The following PJVK variants were observed in gnomAD, a reference collection of about 807,000 sequenced individuals.
PJVK encodes autosomal recessive deafness type 59 protein.
PJVK carries 33 observed loss-of-function variants against 37.6 expected under a neutral mutation model. The ratio of observed to expected loss-of-function variants is 0.88; its 90% CI spans 0.67 to 1.17. PJVK has a LOEUF of 1.17. PJVK is among the 50% of genes most tolerant of loss of function. The pLI is 0.00. For synonymous variants in PJVK, 141 were observed against 143.5 expected (o/e 0.98, Z 0.13); for missense variants, 410 against 413.8 (o/e 0.99, Z 0.08).
chr2:178,452,281 A>C (rs1242062685), intron 1 of PJVK: 1 of 970,190 alleles, frequency 1.0e-6, no homozygotes, highest in Non-Finnish European at 1.2e-6. Flanking sequence ...CGACAGAGTC[A>C]GACTCCCTCT....
intron 1 of PJVK, chr2:178,452,692 AAGAG>A (rs937709519): frequency 1.3e-5 from 12 of 941,566 alleles, no homozygotes; most frequent in African/African-American, 1.2e-4. Context: ...CTCCATTTCA[AAGAG>A]AGAGAGTCTG....
At chr2:178,460,942 T>C (rs751989464) in intron 6 of PJVK, 40 bp from the exon 7 acceptor site, 1 of 1,594,180 alleles carries the variant, frequency 6.3e-7, no homozygotes, top group Non-Finnish European at 8.6e-7. Context: ...TTTTTCATTT[T>C]CACTTCTAAC....
Position 178,453,126 on chromosome 2 carries a change from A to G in PJVK, c.-22-262A>G, listed in dbSNP as rs375026983. The G allele has an allele frequency of 1.0e-4, 39 of 387,206 alleles. No individual in the cohort carries two copies. In the East Asian group the frequency reaches 2.3e-3, roughly 22 times the overall value. The allele number at this position is 387,206 out of a possible 1,614,324, so 24.0% of individuals were successfully genotyped here. A position where few individuals can be genotyped will look rare whatever the true frequency, so the allele number is the denominator to read the frequency against. On this transcript the variant is annotated intron_variant, in intron 1 of 6. Transcript: ENST00000644580. ...TATCATAGACATTGGTCATATTTTT[A>G]CGTTATTAGTTTTCTGTGTATATTT...
chr2:178,452,942 G>A (rs188034260), intron 1 of PJVK: 33 of 166,838 alleles, frequency 2.0e-4, no homozygotes, highest in Admixed American at 1.7e-3. Flanking sequence ...CCAAAATTCC[G>A]GTGGTGGACT....
At position 178,461,075 on chromosome 2, in the gene PJVK, T is replaced by C; in HGVS notation, c.860T>C (p.Ile287Thr). ...YYDKPLSMTD[I>T]SLKEGTHIRV... is the part of the protein sequence containing the mutation. ...GACAAACCTCTCAGCATGACTGATA[T>C]TTCACTCAAAGAAGGGACCCATATC... Residue 287 changes from isoleucine (I) to threonine (T), a missense_variant, in exon 7 of 7, where the codon ATT becomes ACT. By Grantham distance (89) the Ile-to-Thr change is moderately conservative. Coordinates refer to ENST00000644580, the MANE Select transcript of PJVK (RefSeq NM_001042702.5). The C allele has an allele frequency of 6.2e-7, 1 of 1,614,116 alleles. No homozygotes were observed. The highest frequency in any genetic ancestry group is 2.2e-5 in the East Asian group (1 of 44,866).
chr2:178,454,237 G>T, intron 2 of PJVK, 95 bp from the exon 3 acceptor site: 1 of 1,049,864 alleles, frequency 9.5e-7, no homozygotes. Context: ...TAACATTTGG[G>T]TATTTGAGTC....
In PJVK at chr2:178,454,357, T is replaced by C; in HGVS notation, c.237T>C (p.Asn79=). ...GTATTTCATCTTATCAATTACTGAA[T>C]TATGAAGATGAATCAGATGTTTCAC... The part of the protein sequence containing the change: ...SAGISSYQLL[N]YEDESDVSLY... The change falls in exon 3 of 7, where the codon AAT becomes AAC. Residue 79 remains asparagine (N), a synonymous_variant. Coordinates refer to ENST00000644580, the MANE Select transcript of PJVK (RefSeq NM_001042702.5). 6.2e-7 allele frequency: 1 copy of C among 1,613,460 alleles called. No individual in the cohort carries two copies. Among genetic ancestry groups the C allele is most frequent in the South Asian group, 1.1e-5 (1 of 90,880 alleles).
chr2:178,458,597 G>T lies in PJVK; in HGVS notation c.637G>T (p.Glu213Ter). 6.2e-7 allele frequency: 1 copy of T among 1,613,928 alleles called. No homozygotes were observed. The highest frequency in any genetic ancestry group is 1.1e-5 in the South Asian group (1 of 91,042). ...TACAACCATAGCTTTCAGTGTTTTTGAACTCTTCATATACCTGGATGGTGC... is the reference window on the plus strand; with the variant it reads ...TACAACCATAGCTTTCAGTGTTTTTTAACTCTTCATATACCTGGATGGTGC... ...AHTTIAFSVF[E>*]LFIYLDGAFD... Residue 213 changes from glutamate to a stop codon, truncating the protein, a stop_gained, in exon 5 of 7, where the codon GAA becomes TAA. Coordinates refer to ENST00000644580, the MANE Select transcript of PJVK (RefSeq NM_001042702.5). LOFTEE classifies it high-confidence loss of function.
chr2:178,453,446 G>GC lies in PJVK; in HGVS notation c.37_38insC (p.Val13AlafsTer15). ...TGCTACCAAGAGCTTTGTCAAGCAA[G>GC]TTGGAGATGGAGGGAGATTAGTTCC... On this transcript the variant is annotated frameshift_variant, in exon 2 of 7. Coordinates refer to ENST00000644580, the MANE Select transcript of PJVK (RefSeq NM_001042702.5). LOFTEE classifies it high-confidence loss of function. 6.2e-7 allele frequency: 1 copy of GC among 1,614,186 alleles called. No homozygotes were observed. Among genetic ancestry groups the GC allele is most frequent in the Non-Finnish European group, 8.5e-7 (1 of 1,180,010 alleles).
chr2:178,457,031 C>T (rs1275904929), intron 4 of PJVK, among the ~76,000 whole-genome samples: 1 of 152,026 alleles, frequency 6.6e-6, no homozygotes, highest in African/African-American at 2.4e-5. Context: ...TGCAGTGGCG[C>T]GATCTTGGCT....
At chr2:178,455,986 G>C (rs369347372) in intron 3 of PJVK, 24 bp from the exon 4 acceptor site, 170 of 1,612,052 alleles carry the variant, frequency 1.1e-4, no homozygotes, top group Non-Finnish European at 1.4e-4. Context: ...ATAGAGTCTT[G>C]TGAATGTATC....
chr2:178,453,553 A>G lies in PJVK; in HGVS notation c.144A>G (p.Arg48=), dbSNP rs1201778009. 1 of 1,614,120 alleles carries G rather than the reference A, an allele frequency of 6.2e-7. No homozygotes were observed. The highest frequency in any genetic ancestry group is 8.5e-7 in the Non-Finnish European group (1 of 1,179,992). Reference sequence around the variant, plus strand: ...AGAAGCGATGCTTTCTGTTTCCTAGATATAAATTTACTTCAACACCTTTTA... The same window carrying G: ...AGAAGCGATGCTTTCTGTTTCCTAGGTATAAATTTACTTCAACACCTTTTA... ...VKKKRCFLFP[R]YKFTSTPFTL... Residue 48 remains arginine, a synonymous_variant, in exon 2 of 7, where the codon AGA becomes AGG. Coordinates refer to ENST00000644580, the MANE Select transcript of PJVK (RefSeq NM_001042702.5).
At chr2:178,455,465 C>T (rs1385564660) in intron 3 of PJVK, 14 of 1,162,304 alleles carry the variant, frequency 1.2e-5, no homozygotes, top group Non-Finnish European at 1.6e-5. Context: ...TGGGGCTGAG[C>T]TGCAACCACC....
intron 3 of PJVK, chr2:178,455,020 A>G (rs1683942013): frequency 9.2e-7 from 1 of 1,091,818 alleles, no homozygotes; most frequent in African/African-American, 1.5e-5. Context: ...CTGAAAGGGA[A>G]GGACGTGGTG....
intron 4 of PJVK, among the ~76,000 whole-genome samples, chr2:178,456,976 A>ATT (rs1009879212): frequency 6.6e-6 from 1 of 150,440 alleles, no homozygotes; most frequent in Non-Finnish European, 1.5e-5. Flanking sequence ...GAATTTATAG[A>ATT]TTTTTTTTTT....
At chr2:178,456,339 T>G (rs1287053277) in intron 4 of PJVK, 188 bp downstream of exon 4, 5 of 697,910 alleles carry the variant, frequency 7.2e-6, no homozygotes, top group Non-Finnish European at 1.2e-5. Context: ...CTTGGGATTC[T>G]AAACATGTGT....
rs1165770937 is a variant in PJVK, at chr2:178,461,100, C to G, written c.885C>G (p.Ile295Met). The change falls in exon 7 of 7, where the codon ATC becomes ATG. Residue 295 changes from isoleucine (I) to methionine (M), a missense_variant. Coordinates refer to ENST00000644580, the MANE Select transcript of PJVK (RefSeq NM_001042702.5). ...TDISLKEGTH[I>M]RVNLLNHNIP... Reference sequence around the variant, plus strand: ...TTTCACTCAAAGAAGGGACCCATATCCGAGTTAACTTACTTAATCACAACA... The same window carrying G: ...TTTCACTCAAAGAAGGGACCCATATGCGAGTTAACTTACTTAATCACAACA... 1.9e-6 allele frequency: 3 copies of G among 1,614,102 alleles called. No homozygotes were observed. The highest frequency in any genetic ancestry group is 2.5e-6 in the Non-Finnish European group (3 of 1,180,026).
At chr2:178,455,050 C>T (rs562387257) in intron 3 of PJVK, 5 of 1,352,158 alleles carry the variant, frequency 3.7e-6, no homozygotes, top group African/African-American at 2.9e-5. Flanking sequence ...AACGGCGGCA[C>T]CTCCAGGTGG....
chr2:178,460,567 G>A (rs368716765), intron 6 of PJVK, 121 bp downstream of exon 6: 1 of 944,744 alleles, frequency 1.1e-6, no homozygotes, highest in Non-Finnish European at 1.6e-6. Flanking sequence ...AGCCTGGCTG[G>A]TATGGTGGCT....
Sources: gnomAD v4.1 joint callset for allele counts (sites outside exome capture counted in the v4.1 genomes callset) on GRCh38, gnomAD v4.1.1 for gene constraint, MANE v1.5 for transcripts, NCBI Gene and HGNC (gene_info 2026-07-23, HGNC 2026-07-21) for gene names.